The following AHNAK variants were observed in gnomAD, a reference collection of about 807,000 sequenced individuals.
AHNAK encodes the protein AHNAK nucleoprotein.
AHNAK carries 23 observed loss-of-function variants against 37.8 expected under a neutral mutation model. The observed-to-expected ratio is 0.61, with a 90% CI of 0.44 to 0.86. The LOEUF (loss-of-function observed/expected upper bound fraction) is 0.86, where lower values mean the gene tolerates loss of function less well. Among genes scored for constraint, AHNAK ranks in the 40% least tolerant of loss-of-function variants. AHNAK has a pLI of 0.00. For missense variants in AHNAK, 7,411 were observed against 7,319.4 expected, an observed-to-expected ratio of 1.01 and a Z score of -0.46; for synonymous variants, 2,481 against 2,636.3, an observed-to-expected ratio of 0.94 and a Z score of 1.80.
At chr11:62,484,051 A>AG (rs1372086726) in intron 5 of AHNAK, among the ~76,000 whole-genome samples, 2 of 150,576 alleles carry the variant, frequency 1.3e-5, no homozygotes, top group South Asian at 2.1e-4. Flanking sequence ...AAAAAAAAAA[A>AG]AAAAAGAAAG....
intron 4 of AHNAK, among the ~76,000 whole-genome samples, chr11:62,497,329 G>A (rs1284852954): frequency 6.6e-6 from 1 of 152,128 alleles, no homozygotes; most frequent in Admixed American, 6.5e-5. Context: ...CAGAAGGGCA[G>A]GCTATGGCAC....
chr11:62,475,601 A>C (rs201226695), intron 5 of AHNAK, among the ~76,000 whole-genome samples: 1 of 36,224 alleles, frequency 2.8e-5, no homozygotes, highest in African/African-American at 8.5e-5. Context: ...GTTATGTTAT[A>C]CTTTTTTTTT....
intron 5 of AHNAK, among the ~76,000 whole-genome samples, chr11:62,482,373 C>A (rs1209376139): frequency 6.6e-6 from 1 of 151,750 alleles, no homozygotes; most frequent in African/African-American, 2.4e-5. Context: ...TGAGATCGCG[C>A]CACTGCACTC....
chr11:62,486,407 A>G (rs1939395079), intron 5 of AHNAK, among the ~76,000 whole-genome samples: 1 of 152,130 alleles, frequency 6.6e-6, no homozygotes, highest in African/African-American at 2.4e-5. Flanking sequence ...CAGGAGGCGG[A>G]CGTTGCGGTG....
chr11:62,537,827 C>T (rs183414529), intron 1 of AHNAK, among the ~76,000 whole-genome samples: 3 of 152,128 alleles, frequency 2.0e-5, no homozygotes, highest in African/African-American at 7.2e-5. Flanking sequence ...GGATTACAGG[C>T]GCCCGCCACC....
chr11:62,517,198 T>G lies in AHNAK; in HGVS notation c.17219A>C (p.Lys5740Thr). The change falls in exon 5 of 5, where the codon AAA (lysine) becomes ACA (threonine). Residue 5740 changes from lysine (K) to threonine (T), a missense_variant. Lys to Thr is a moderately conservative substitution (Grantham distance 78). Transcript: ENST00000378024. Reference sequence around the variant, plus strand: ...GGCCTTTGAACTTTTCAGGTCACCTTTGGACCCAGAAATTGATGCTTCTGG... The same window carrying G: ...GGCCTTTGAACTTTTCAGGTCACCTGTGGACCCAGAAATTGATGCTTCTGG... ...GSPEASISGS[K>T]GDLKSSKASL... 5 of 1,614,144 alleles carry G rather than the reference T, an allele frequency of 3.1e-6. No homozygotes were observed. Among genetic ancestry groups the G allele is most frequent in the Non-Finnish European group, 4.2e-6 (5 of 1,180,048 alleles).
At position 62,525,995 on chromosome 11, in the gene AHNAK, C is replaced by T. The variant is rs1399506886; in HGVS notation, c.8422G>A (p.Asp2808Asn). 22 of 1,613,886 alleles carry T rather than the reference C, an allele frequency of 1.4e-5. No individual in the cohort carries two copies. Among genetic ancestry groups the T allele is most frequent in the East Asian group, 2.2e-5 (1 of 44,884 alleles). Residue 2808 changes from aspartate (D) to asparagine (N), a missense_variant, in exon 5 of 5, where the codon GAT becomes AAT. Asp to Asn is a conservative substitution (Grantham distance 23). Coordinates refer to ENST00000378024, the MANE Select transcript of AHNAK (RefSeq NM_001620.3). ...CCTTCAGGTCCTTCGATATTCACAT[C>T]GGGACATTCAACATCCACTTTCGGT... ...SGPKVDVECPDVNIEGPEGKW... is the reference protein window; with the variant it reads ...SGPKVDVECPNVNIEGPEGKW...
chr11:62,465,786 C>G (rs775911972), intron 5 of AHNAK, among the ~76,000 whole-genome samples: 22 of 152,058 alleles, frequency 1.4e-4, no homozygotes, highest in Non-Finnish European at 2.1e-4. Flanking sequence ...TGGAGTTATG[C>G]TGCTCTAAGC....
chr11:62,468,176 C>T (rs951665603), intron 5 of AHNAK, among the ~76,000 whole-genome samples: 13 of 152,132 alleles, frequency 8.5e-5, no homozygotes, highest in South Asian at 4.1e-4. Context: ...GGCAAGACTC[C>T]GTCTCTACTA....
chr11:62,444,847 A>G (rs1208863373), intron 5 of AHNAK, among the ~76,000 whole-genome samples: 2 of 152,240 alleles, frequency 1.3e-5, no homozygotes, highest in African/African-American at 2.4e-5. Flanking sequence ...TGAGGGAGAA[A>G]CAATCTTTAA....
chr11:62,473,735 G>A (rs187764492), intron 5 of AHNAK, among the ~76,000 whole-genome samples: 10 of 151,526 alleles, frequency 6.6e-5, no homozygotes, highest in South Asian at 2.1e-4. Context: ...CTCAGGTCAC[G>A]CTATAATCCC....
rs1306807966 is a variant in AHNAK at position 62,525,122 on chromosome 11, T to A, written c.9295A>T (p.Asn3099Tyr). ...PKISMPDIDLNLKGPKVKGDM... is the reference protein window; with the variant it reads ...PKISMPDIDLYLKGPKVKGDM... ...CCCTTCACTTTGGGACCTTTCAGGTTAAGATCAATGTCAGGCATGGAGATC... is the reference window on the plus strand; with the variant it reads ...CCCTTCACTTTGGGACCTTTCAGGTAAAGATCAATGTCAGGCATGGAGATC... The change falls in exon 5 of 5, where the codon AAC becomes TAC. Residue 3099 changes from asparagine to tyrosine, a missense_variant. By Grantham distance (143) the Asn-to-Tyr change is moderately radical. Transcript: ENST00000378024. 1.2e-6 allele frequency: 2 copies of A among 1,613,962 alleles called. No individual in the cohort carries two copies. The highest frequency in any genetic ancestry group is 3.3e-5 in the Admixed American group (2 of 60,012).
chr11:62,545,945 C>G (rs1420565257), intron 1 of AHNAK: 1 of 152,258 alleles, frequency 6.6e-6, no homozygotes, highest in Non-Finnish European at 1.5e-5. Flanking sequence ...CCCTCCTCGC[C>G]CACCTCAGCA....
In AHNAK at chr11:62,528,601, T is replaced by A. The variant is rs1363728536; in HGVS notation, c.5816A>T (p.Asp1939Val). The change falls in exon 5 of 5, where the codon GAT becomes GTT. Residue 1939 changes from aspartate (D) to valine (V), a missense_variant. Asp to Val is a radical substitution (Grantham distance 152). Coordinates refer to ENST00000378024, the MANE Select transcript of AHNAK (RefSeq NM_001620.3). ...LHLKGPKVKG[D>V]VDVSVPKLEG... ...CAATTTTGGCACCGACACATCCACATCCCCTTTGACTTTGGGGCCTTTCAA... is the reference window on the plus strand; with the variant it reads ...CAATTTTGGCACCGACACATCCACAACCCCTTTGACTTTGGGGCCTTTCAA... 1.9e-6 allele frequency: 3 copies of A among 1,609,814 alleles called. No individual in the cohort carries two copies.
intron 5 of AHNAK, among the ~76,000 whole-genome samples, chr11:62,456,986 C>T (rs901355287): frequency 1.3e-5 from 2 of 152,164 alleles, no homozygotes; most frequent in African/African-American, 2.4e-5. Context: ...AGGACTCTAG[C>T]TCATTGATTC....
intron 5 of AHNAK, among the ~76,000 whole-genome samples, chr11:62,445,593 C>A (rs1351229233): frequency 6.6e-6 from 1 of 152,176 alleles, no homozygotes; most frequent in Non-Finnish European, 1.5e-5. Context: ...GTGGCTCAGG[C>A]CTGTAATCCC....
In AHNAK at chr11:62,529,226, C is replaced by T; in HGVS notation, c.5191G>A (p.Glu1731Lys). The T allele has an allele frequency of 6.2e-7, 1 of 1,614,224 alleles. No individual in the cohort carries two copies. Among genetic ancestry groups the T allele is most frequent in the Non-Finnish European group, 8.5e-7 (1 of 1,180,046 alleles). ...SMPGFKAEGPEVDVNLPKADI... is the reference protein window; with the variant it reads ...SMPGFKAEGPKVDVNLPKADI... Reference sequence around the variant, plus strand: ...GCCTTTGGCAGATTCACATCCACTTCAGGGCCCTCTGCTTTGAAGCCAGGC... The same window carrying T: ...GCCTTTGGCAGATTCACATCCACTTTAGGGCCCTCTGCTTTGAAGCCAGGC... Residue 1731 changes from glutamate to lysine, a missense_variant, in exon 5 of 5, where the codon GAA becomes AAA. Physicochemically the swap from Glu to Lys is moderately conservative, Grantham distance 56. Coordinates refer to ENST00000378024, the MANE Select transcript of AHNAK (RefSeq NM_001620.3).
chr11:62,532,002 C>T lies in AHNAK; in HGVS notation c.2415G>A (p.Lys805=), dbSNP rs775431904. ...TGATGTTCATCTCAGGCATCTTAAA[C>T]TTGGGCCCTTTCAATTTCCCTTCTG... ...EEPEGKLKGP[K]FKMPEMNIKV... Residue 805 remains lysine, a synonymous_variant, in exon 5 of 5, where the codon AAG becomes AAA. Coordinates refer to ENST00000378024, the MANE Select transcript of AHNAK (RefSeq NM_001620.3). 9.3e-6 allele frequency: 15 copies of T among 1,613,128 alleles called. No homozygotes were observed. The highest frequency in any genetic ancestry group is 1.3e-5 in the African/African-American group (1 of 74,512).
At chr11:62,545,839 A>G (rs904339314) in intron 1 of AHNAK, among the ~76,000 whole-genome samples, 12 of 152,142 alleles carry the variant, frequency 7.9e-5, no homozygotes, top group Non-Finnish European at 1.8e-4. Context: ...GGCGGGGGCC[A>G]TCCCGCCCGG....
Sources: gnomAD v4.1 joint callset for allele counts (sites outside exome capture counted in the v4.1 genomes callset) on GRCh38, gnomAD v4.1.1 for gene constraint, MANE v1.5 for transcripts, NCBI Gene and HGNC (gene_info 2026-07-23, HGNC 2026-07-21) for gene names.